The following EPHA5 variants were observed in gnomAD, a reference collection of about 807,000 sequenced individuals.
EPHA5 encodes the protein ephrin type-A receptor 5.
A neutral mutation model predicts 105.0 loss-of-function variants in EPHA5; 60 were observed. The observed-to-expected ratio is 0.57, with a 90% confidence interval of 0.46 to 0.71. EPHA5 has a LOEUF of 0.71. EPHA5 is among the 30% of genes least tolerant of loss of function. The pLI, the probability that EPHA5 is intolerant of heterozygous loss-of-function variation, is 0.00. For synonymous variants in EPHA5, 513 were observed against 449.1 expected, an observed-to-expected ratio of 1.14 and a Z score of -1.80; for missense variants, 1,218 against 1,274.7, an observed-to-expected ratio of 0.96 and a Z score of 0.68.
intron 3 of EPHA5, among the ~76,000 whole-genome samples, chr4:65,547,053 A>C (rs765713836): frequency 6.6e-5 from 10 of 152,074 alleles, no homozygotes; most frequent in Non-Finnish European, 1.3e-4. Context: ...AGTGTTCACC[A>C]CTGTGAAAAC....
chr4:65,620,602 A>C (rs143128001), intron 2 of EPHA5, among the ~76,000 whole-genome samples: 2 of 152,294 alleles, frequency 1.3e-5, no homozygotes, highest in African/African-American at 4.8e-5. Flanking sequence ...CTTTAAACAG[A>C]AATTTACTAA....
chr4:65,637,637 G>T (rs965102122), intron 2 of EPHA5, among the ~76,000 whole-genome samples: 4 of 141,946 alleles, frequency 2.8e-5, no homozygotes, highest in Non-Finnish European at 6.1e-5. Context: ...TGGAGTGGTG[G>T]TTCTCTTAGC....
At chr4:65,642,998 A>G (rs958773732) in intron 2 of EPHA5, among the ~76,000 whole-genome samples, 1 of 152,064 alleles carries the variant, frequency 6.6e-6, no homozygotes, top group Non-Finnish European at 1.5e-5. Flanking sequence ...CCTGTGCAAT[A>G]TGCCAGGATG....
intron 6 of EPHA5, among the ~76,000 whole-genome samples, chr4:65,416,703 TA>T (rs1723418806): frequency 1.3e-5 from 2 of 152,186 alleles, no homozygotes. Context: ...TAACGTTATG[TA>T]TGTCTCAGTT....
intron 5 of EPHA5, among the ~76,000 whole-genome samples, chr4:65,481,102 A>G (rs2149187764): frequency 6.6e-6 from 1 of 152,276 alleles, no homozygotes; most frequent in Non-Finnish European, 1.5e-5. Context: ...AAATTCCACC[A>G]TAAACTCATG....
At chr4:65,634,585 T>A (rs1490176943) in intron 2 of EPHA5, among the ~76,000 whole-genome samples, 1 of 152,072 alleles carries the variant, frequency 6.6e-6, no homozygotes, top group Non-Finnish European at 1.5e-5. Flanking sequence ...TGGGGTATGC[T>A]TTTTATTTTT....
At chr4:65,430,021 GA>G (rs1488394084) in intron 5 of EPHA5, among the ~76,000 whole-genome samples, 1 of 151,834 alleles carries the variant, frequency 6.6e-6, no homozygotes, top group African/African-American at 2.4e-5. Flanking sequence ...TTAAAGTCCA[GA>G]AAAAAAGCCA....
intron 3 of EPHA5, among the ~76,000 whole-genome samples, chr4:65,519,632 C>T (rs888385414): frequency 7.2e-5 from 11 of 152,170 alleles, no homozygotes; most frequent in South Asian, 2.1e-4. Context: ...AAAACCCCAT[C>T]GTCTCAGCCC....
intron 8 of EPHA5, among the ~76,000 whole-genome samples, chr4:65,370,702 C>A (rs910779962): frequency 2.0e-5 from 3 of 151,952 alleles, no homozygotes; most frequent in Non-Finnish European, 2.9e-5. Context: ...CTTGGAAATA[C>A]CTTGGTGAGG....
chr4:65,573,523 A>G (rs1740454542), intron 3 of EPHA5: 2 of 1,597,684 alleles, frequency 1.3e-6, no homozygotes, highest in Non-Finnish European at 1.7e-6. Context: ...AAGAAGACTG[A>G]TGCTGGTGGC....
chr4:65,536,577 C>T (rs1322457730), intron 3 of EPHA5, among the ~76,000 whole-genome samples: 3 of 151,706 alleles, frequency 2.0e-5, no homozygotes, highest in Non-Finnish European at 4.4e-5. Context: ...ATTCTTAAAA[C>T]TTTGCAAGAC....
chr4:65,324,742 CTTTTT>C (rs368440921), intron 16 of EPHA5, among the ~76,000 whole-genome samples: 1 of 131,364 alleles, frequency 7.6e-6, no homozygotes, highest in African/African-American at 2.8e-5. Context: ...CAATGTTTTA[CTTTTT>C]TTTTTTTTTT....
At chr4:65,504,365 A>AAAT (rs1732792331) in intron 3 of EPHA5, among the ~76,000 whole-genome samples, 1 of 147,238 alleles carries the variant, frequency 6.8e-6, no homozygotes, top group Non-Finnish European at 1.5e-5. Context: ...TATATTGAAA[A>AAAT]ATATATATAT....
rs56390132 is a variant in EPHA5 at position 65,670,273 on chromosome 4, G to A, written c.-531C>T. The A allele has an allele frequency of 0.27, 63,796 of 233,498 alleles. 10,031 individuals carry two copies. The highest frequency in any genetic ancestry group is 0.54 in the East Asian group (8,943 of 16,546). The allele number at this position is 233,498 out of a possible 1,614,324, so 14.5% of individuals were successfully genotyped here. Reference sequence around the variant, plus strand: ...AAAAACAGGAGAGCAGCGAGCAAAAGCAAAGATCCAGAGTTCAAAGAGACT... The same window carrying A: ...AAAAACAGGAGAGCAGCGAGCAAAAACAAAGATCCAGAGTTCAAAGAGACT... On this transcript the variant is annotated 5_prime_UTR_variant, in exon 1 of 17. Coordinates refer to ENST00000613740, the MANE Select transcript of EPHA5 (RefSeq NM_001281766.3).
chr4:65,436,413 A>G (rs1350874699), intron 5 of EPHA5, among the ~76,000 whole-genome samples: 2 of 151,946 alleles, frequency 1.3e-5, no homozygotes, highest in Non-Finnish European at 2.9e-5. Context: ...CGAGACACTC[A>G]TGTTAAATAA....
intron 3 of EPHA5, among the ~76,000 whole-genome samples, chr4:65,589,060 C>A (rs1742389319): frequency 6.6e-6 from 1 of 152,060 alleles, no homozygotes; most frequent in East Asian, 1.9e-4. Flanking sequence ...AAAATCTAAT[C>A]CAAGTTTTGA....
intron 3 of EPHA5, among the ~76,000 whole-genome samples, chr4:65,583,064 A>G (rs562067176): frequency 2.8e-4 from 43 of 151,802 alleles, no homozygotes; most frequent in South Asian, 6.2e-4. Context: ...TCTTACTTGC[A>G]AGTGTACACA....
intron 2 of EPHA5, among the ~76,000 whole-genome samples, chr4:65,636,267 A>T (rs963106279): frequency 8.5e-5 from 13 of 152,160 alleles, no homozygotes; most frequent in Non-Finnish European, 1.6e-4. Flanking sequence ...CAGTGGATAG[A>T]ATGCAACCCA....
chr4:65,552,839 C>T (rs1200566308), intron 3 of EPHA5, among the ~76,000 whole-genome samples: 1 of 151,880 alleles, frequency 6.6e-6, no homozygotes, highest in Admixed American at 6.6e-5. Flanking sequence ...AAATGTAATC[C>T]ACAATTAACA....
Sources: allele counts gnomAD v4.1 joint callset (sites outside exome capture counted in the v4.1 genomes callset), GRCh38; gene constraint gnomAD v4.1.1; transcripts MANE v1.5; gene names NCBI Gene and HGNC (gene_info 2026-07-23, HGNC 2026-07-21).